EPB41L3: variants seen among roughly 807,000 people sequenced by gnomAD.
EPB41L3 encodes erythrocyte membrane protein band 4.1 like 3, also known as band 4.1-like protein 3.
In EPB41L3, 57 loss-of-function variants were observed where a neutral mutation model predicts 127.1. The ratio of observed to expected loss-of-function variants is 0.45; its 90% confidence interval spans 0.36 to 0.56. The LOEUF (loss-of-function observed/expected upper bound fraction) is 0.56, where lower values mean the gene tolerates loss of function less well. Among genes scored for constraint, EPB41L3 ranks in the 20% least tolerant of loss-of-function variants. The pLI is 0.00. For synonymous variants in EPB41L3, 572 were observed against 549.5 expected (o/e 1.04, Z -0.57); for missense variants, 1,273 against 1,372.2 (o/e 0.93, Z 1.14).
chr18:5,573,312 G>A (rs1422245751), intron 3 of EPB41L3, among the ~76,000 whole-genome samples: 1 of 152,172 alleles, frequency 6.6e-6, no homozygotes, highest in African/African-American at 2.4e-5. Context: ...ACCCACAGAA[G>A]TAAGAGAACA....
In EPB41L3 at chr18:5,519,309, T is replaced by C. The variant is rs190406273; in HGVS notation, c.-12+24604A>G. Among the ~76,000 whole-genome samples, 522 of 152,346 alleles carry C rather than the reference T, an allele frequency of 3.4e-3. 6 individuals are homozygous for C. Among genetic ancestry groups the C allele is most frequent in the Admixed American group, 0.025 (385 of 15,306 alleles). ...AAACTGCTAATCTTACAGGAGAGTA[T>C]GGGAAACCCATCGCGACTATACTCC... is the stretch of plus-strand genomic sequence containing the variant. On this transcript the variant is annotated intron_variant, in intron 1 of 22. Transcript: ENST00000341928.
chr18:5,501,031 C>T (rs2091698545), intron 1 of EPB41L3, among the ~76,000 whole-genome samples: 1 of 152,108 alleles, frequency 6.6e-6, no homozygotes, highest in African/African-American at 2.4e-5. Context: ...GGAAGACAAG[C>T]TGCCTGTAAA....
At chr18:5,596,567 ACT>A (rs1362127458) in intron 3 of EPB41L3, among the ~76,000 whole-genome samples, 1 of 152,112 alleles carries the variant, frequency 6.6e-6, no homozygotes, top group Non-Finnish European at 1.5e-5. Context: ...AGCCGTAGAC[ACT>A]CATACTTGTT....
intron 3 of EPB41L3, among the ~76,000 whole-genome samples, chr18:5,574,508 A>T (rs2094318275): frequency 6.7e-6 from 1 of 149,216 alleles, no homozygotes; most frequent in Admixed American, 6.8e-5. Context: ...TCCTAATTTG[A>T]TTCCCTCTGT....
At chr18:5,542,673 T>C (rs1325804439) in intron 1 of EPB41L3, among the ~76,000 whole-genome samples, 1 of 152,208 alleles carries the variant, frequency 6.6e-6, no homozygotes, top group East Asian at 1.9e-4. Flanking sequence ...ATTTGTTCTG[T>C]TCCGCAACAA....
At chr18:5,547,172 T>C (rs1196151376), upstream of EPB41L3, among the ~76,000 whole-genome samples, 1 of 152,224 alleles carries the variant, frequency 6.6e-6, no homozygotes, top group Non-Finnish European at 1.5e-5. Context: ...AAGATACAAT[T>C]ATGATTGAAT....
chr18:5,406,729 A>C (rs780643719), intron 16 of EPB41L3, 48 bp downstream of exon 16: 31 of 1,523,784 alleles, frequency 2.0e-5, no homozygotes, highest in Admixed American at 5.4e-5. Context: ...GTAGAGAAGG[A>C]AGGCGGGTAA....
At chr18:5,555,610 T>C (rs1361924554) in intron 3 of EPB41L3, among the ~76,000 whole-genome samples, 1 of 152,130 alleles carries the variant, frequency 6.6e-6, no homozygotes, top group Non-Finnish European at 1.5e-5. Context: ...TCTTGTCAGA[T>C]CTATTACCAA....
chr18:5,467,904 T>G (rs956991697), intron 3 of EPB41L3, among the ~76,000 whole-genome samples: 29 of 152,252 alleles, frequency 1.9e-4, no homozygotes, highest in African/African-American at 6.5e-4. Flanking sequence ...GAGCCTCACC[T>G]TCCTGCCCAG....
intron 1 of EPB41L3, among the ~76,000 whole-genome samples, chr18:5,498,992 C>T (rs2091474716): frequency 6.6e-6 from 1 of 152,152 alleles, no homozygotes; most frequent in South Asian, 2.1e-4. Context: ...CTAAAATGCA[C>T]AGGATCTTCA....
At chr18:5,420,094 T>C in intron 11 of EPB41L3, 1 of 910,420 alleles carries the variant, frequency 1.1e-6, no homozygotes, top group Non-Finnish European at 1.6e-6. Flanking sequence ...CATGAGAGCA[T>C]GACCTTCCTG....
At chr18:5,471,098 G>A (rs2086062729) in intron 3 of EPB41L3, among the ~76,000 whole-genome samples, 1 of 152,164 alleles carries the variant, frequency 6.6e-6, no homozygotes, top group Non-Finnish European at 1.5e-5. Flanking sequence ...GCGTCAGGCA[G>A]GAAGACATTG....
chr18:5,494,218 G>A (rs34695178), intron 1 of EPB41L3, among the ~76,000 whole-genome samples: 31,198 of 151,810 alleles, frequency 0.21, 4,091 homozygotes, highest in East Asian at 0.41. Context: ...CCCCCAATCT[G>A]CTTGACTCCT....
chr18:5,447,574 T>C (rs1180561806), intron 3 of EPB41L3, among the ~76,000 whole-genome samples: 1 of 152,026 alleles, frequency 6.6e-6, no homozygotes, highest in Non-Finnish European at 1.5e-5. Flanking sequence ...CAAAAACTTT[T>C]CTCTACAAGG....
chr18:5,599,709 G>A lies in EPB41L3; in HGVS notation c.-306+12631C>T, dbSNP rs1472044492. On this transcript the variant is annotated intron_variant, in intron 3 of 21. Transcript: ENST00000545076. ...TGTGCCTGCTCCCGCTTTGCCTTCCGCCATGGTTGTAAGTTTTCTGAGGCT... is the reference window on the plus strand; with the variant it reads ...TGTGCCTGCTCCCGCTTTGCCTTCCACCATGGTTGTAAGTTTTCTGAGGCT... 3.9e-5 allele frequency among the ~76,000 whole-genome samples: 6 copies of A among 151,934 alleles called. No homozygotes were observed. In the South Asian group the frequency reaches 8.3e-4, roughly 21 times the overall value.
At chr18:5,535,948 C>A (rs540595150) in intron 1 of EPB41L3, among the ~76,000 whole-genome samples, 1 of 152,286 alleles carries the variant, frequency 6.6e-6, no homozygotes, top group East Asian at 1.9e-4. Flanking sequence ...TGACCCCGTA[C>A]ACCTACTAAA....
intron 2 of EPB41L3, among the ~76,000 whole-genome samples, chr18:5,482,640 A>G (rs545295094): frequency 3.1e-4 from 47 of 152,196 alleles, no homozygotes; most frequent in Non-Finnish European, 6.2e-4. Flanking sequence ...AAGGAGCTCC[A>G]AATTGCCTGG....
chr18:5,484,109 A>AAAAAAAAAAAAAAAAAAAAAC (rs2089223189), intron 2 of EPB41L3, among the ~76,000 whole-genome samples: 1 of 143,806 alleles, frequency 7.0e-6, no homozygotes, highest in African/African-American at 2.6e-5. Context: ...AAAAAAAAAA[A>AAAAAAAAAAAAAAAAAAAAAC]AAAAAAAAAA....
intron 3 of EPB41L3, among the ~76,000 whole-genome samples, chr18:5,568,760 C>A (rs573937811): frequency 6.6e-6 from 1 of 152,166 alleles, no homozygotes; most frequent in Admixed American, 6.5e-5. Context: ...TAGTTTCAGA[C>A]CCCTAACTTT....
Sources: allele counts gnomAD v4.1 joint callset (sites outside exome capture counted in the v4.1 genomes callset), GRCh38; gene constraint gnomAD v4.1.1; transcripts MANE v1.5; gene names NCBI Gene and HGNC (gene_info 2026-07-23, HGNC 2026-07-21).